ZBTB4: variants seen among roughly 807,000 people sequenced by gnomAD.
ZBTB4 encodes the protein zinc finger and BTB domain-containing protein 4.
In ZBTB4, 14 loss-of-function variants were observed where a neutral mutation model predicts 59.8. The ratio of observed to expected loss-of-function variants is 0.23; its 90% confidence interval spans 0.15 to 0.37. The LOEUF is 0.37. ZBTB4 is among the 10% of genes least tolerant of loss of function. The probability of loss-of-function intolerance (pLI) is 1.00; values close to 1 mark genes in which losing one functional copy is unlikely to be tolerated. For synonymous variants in ZBTB4, 587 were observed against 575.2 expected, an observed-to-expected ratio of 1.02 and a Z score of -0.29; for missense variants, 1,198 against 1,380.8, an observed-to-expected ratio of 0.87 and a Z score of 2.10.
At position 7,469,720 on chromosome 17, in the gene ZBTB4, G is replaced by A. The variant is rs553268705; in HGVS notation, c.-80-2393C>T. On this transcript the variant is annotated intron_variant, in intron 1 of 3. Transcript: ENST00000380599. ...GTAGAGGCTGCAGTGAGCCGAGATC[G>A]CGCTGGATGGAGATCAATCCAGGCT... Among the ~76,000 whole-genome samples the A allele has an allele frequency of 2.4e-4, 37 of 151,692 alleles. 1 individual carries two copies. The highest frequency in any genetic ancestry group is 6.8e-3 in the Middle Eastern group (2 of 292).
rs148130694 is a variant in ZBTB4 at position 7,473,273 on chromosome 17, C to T, written c.-80-5946G>A. ...GACTACAGGCACCCACCACCACTCC[C>T]GGCTAATTTTTTTTTGTATTTTTAG... is the stretch of plus-strand genomic sequence containing the variant. On this transcript the variant is annotated intron_variant, in intron 1 of 3. Coordinates refer to ENST00000380599, the MANE Select transcript of ZBTB4 (RefSeq NM_001128833.2). 4.7e-3 allele frequency among the ~76,000 whole-genome samples: 717 copies of T among 152,060 alleles called. 8 individuals are homozygous for T. Among genetic ancestry groups the T allele is most frequent in the African/African-American group, 0.017 (685 of 41,472 alleles).
intron 1 of ZBTB4, among the ~76,000 whole-genome samples, chr17:7,473,625 C>A (rs528932493): frequency 6.6e-6 from 1 of 151,624 alleles, no homozygotes; most frequent in African/African-American, 2.4e-5. Flanking sequence ...AGGCTCACTG[C>A]AGCCTTAACC....
At chr17:7,480,804 A>G (rs2070335469), upstream of ZBTB4, among the ~76,000 whole-genome samples, 1 of 152,170 alleles carries the variant, frequency 6.6e-6, no homozygotes, top group African/African-American at 2.4e-5. Context: ...AGAGCTAGCC[A>G]TAAAAAGAAT....
chr17:7,468,016 G>A (rs2070150492), intron 1 of ZBTB4, among the ~76,000 whole-genome samples: 2 of 152,226 alleles, frequency 1.3e-5, no homozygotes, highest in Non-Finnish European at 2.9e-5. Context: ...CTAGGGATCT[G>A]GACTTAAAAA....
chr17:7,469,547 G>C (rs1021848992), intron 1 of ZBTB4, among the ~76,000 whole-genome samples: 3 of 150,784 alleles, frequency 2.0e-5, no homozygotes, highest in African/African-American at 7.3e-5. Flanking sequence ...CGGATCATCT[G>C]AGGTCAGGAG....
At chr17:7,477,987 AC>A (rs1348420699) in intron 1 of ZBTB4, among the ~76,000 whole-genome samples, 1 of 151,736 alleles carries the variant, frequency 6.6e-6, no homozygotes, top group Non-Finnish European at 1.5e-5. Flanking sequence ...TCCATGCGCT[AC>A]CCTGCATTTA....
chr17:7,481,122 C>T (rs1277035288), upstream of ZBTB4, among the ~76,000 whole-genome samples: 2 of 146,856 alleles, frequency 1.4e-5, no homozygotes, highest in Non-Finnish European at 3.0e-5. Flanking sequence ...TTGCACGCAC[C>T]ACTGCACTCC....
rs55956412 is a variant in ZBTB4 at position 7,464,431 on chromosome 17, GAAA to G, written c.1092-544_1092-542del. Reference sequence around the variant, plus strand: ...ACAGAGTGAGACTCTGTCAAAAAAAGAAAAAAAAAAAAAAAAAAAAACCTCAGC... The same window carrying G: ...ACAGAGTGAGACTCTGTCAAAAAAAGAAAAAAAAAAAAAAAAAACCTCAGC... On this transcript the variant is annotated intron_variant, in intron 3 of 3. Coordinates refer to ENST00000380599, the MANE Select transcript of ZBTB4 (RefSeq NM_001128833.2). 1.2e-3 allele frequency among the ~76,000 whole-genome samples: 112 copies of G among 96,154 alleles called. No individual in the cohort carries two copies. In the Middle Eastern group the frequency reaches 0.024, roughly 21 times the overall value. 63.1% of individuals were successfully genotyped at this position (96,154 alleles called of 152,430 possible). A position where few individuals can be genotyped will look rare whatever the true frequency, so the allele number is the denominator to read the frequency against.
At chr17:7,481,856 A>T (rs759539547), upstream of ZBTB4, 3 of 1,319,712 alleles carry the variant, frequency 2.3e-6, no homozygotes, top group Non-Finnish European at 3.1e-6. Flanking sequence ...TCTAGCTCCG[A>T]AGAGTTCCTC....
intron 1 of ZBTB4, among the ~76,000 whole-genome samples, chr17:7,474,584 C>T (rs942999559): frequency 2.6e-5 from 4 of 151,890 alleles, no homozygotes; most frequent in Non-Finnish European, 4.4e-5. Flanking sequence ...GGGCCTAGCA[C>T]GTAATAGGTG....
upstream of ZBTB4, chr17:7,483,235 A>G (rs2070370736): frequency 2.6e-6 from 2 of 780,366 alleles, no homozygotes; most frequent in African/African-American, 1.8e-5. Context: ...GGGCATAACT[A>G]AGGGGTAAAG....
upstream of ZBTB4, chr17:7,483,240 G>A: frequency 5.2e-6 from 4 of 770,404 alleles, no homozygotes; most frequent in Non-Finnish European, 8.0e-6. Context: ...TAACTAAGGG[G>A]TAAAGTCTGA....
Position 7,461,900 on chromosome 17 carries a change from G to T in ZBTB4, c.*40C>A. 1 of 1,506,120 alleles carries T rather than the reference G, an allele frequency of 6.6e-7. No individual in the cohort carries two copies. The highest frequency in any genetic ancestry group is 8.9e-7 in the Non-Finnish European group (1 of 1,122,522). The allele number at this position is 1,506,120 out of a possible 1,614,324, so 93.3% of individuals were successfully genotyped here. A position where few individuals can be genotyped will look rare whatever the true frequency, so the allele number is the denominator to read the frequency against. On this transcript the variant is annotated 3_prime_UTR_variant, in exon 4 of 4. Coordinates refer to ENST00000380599, the MANE Select transcript of ZBTB4 (RefSeq NM_001128833.2). Reference sequence around the variant, plus strand: ...AGCTGGTAGTGGTGGGGGGTTCAGGGAGGGTGGCATCTGGTGAAAGGGGGA... The same window carrying T: ...AGCTGGTAGTGGTGGGGGGTTCAGGTAGGGTGGCATCTGGTGAAAGGGGGA...
chr17:7,481,528 G>A, upstream of ZBTB4: 1 of 1,553,372 alleles, frequency 6.4e-7, no homozygotes, highest in Non-Finnish European at 8.7e-7. Flanking sequence ...TGGTGAGTGT[G>A]GGGGCCAGGG....
chr17:7,468,933 T>A (rs1392302245), intron 1 of ZBTB4, among the ~76,000 whole-genome samples: 1 of 152,182 alleles, frequency 6.6e-6, no homozygotes, highest in Non-Finnish European at 1.5e-5. Flanking sequence ...CAGGGACTGA[T>A]GAGGTTCTGG....
Position 7,461,712 on chromosome 17 carries a change from G to T in ZBTB4, c.*228C>A, listed in dbSNP as rs1200091172. The T allele has an allele frequency of 2.3e-6, 1 of 434,932 alleles. No homozygotes were observed. Among genetic ancestry groups the T allele is most frequent in the Non-Finnish European group, 4.1e-6 (1 of 246,488 alleles). 26.9% of individuals were successfully genotyped at this position (434,932 alleles called of 1,614,324 possible). A position where few individuals can be genotyped will look rare whatever the true frequency, so the allele number is the denominator to read the frequency against. ...GAAGCTGGCCCTGCCCCTCATGGAG[G>T]CCATTCCCTGGAGGAAGACTGAGAG... is the stretch of plus-strand genomic sequence containing the variant. On this transcript the variant is annotated 3_prime_UTR_variant, in exon 4 of 4. Transcript: ENST00000380599.
upstream of ZBTB4, chr17:7,482,229 C>T (rs756447150): frequency 4.3e-6 from 7 of 1,613,900 alleles, no homozygotes; most frequent in Non-Finnish European, 4.2e-6. Context: ...TTCCACCTCC[C>T]TATTGCCCTG....
chr17:7,475,071 C>A (rs898511869), intron 1 of ZBTB4, among the ~76,000 whole-genome samples: 2 of 149,456 alleles, frequency 1.3e-5, no homozygotes, highest in African/African-American at 5.0e-5. Flanking sequence ...GTAATCCCAG[C>A]ACTTTGGGAG....
chr17:7,466,706 G>A lies in ZBTB4; in HGVS notation c.96C>T (p.Val32=). The change falls in exon 3 of 4, where the codon GTC becomes GTT. Residue 32 remains valine, a synonymous_variant. Transcript: ENST00000380599. The surrounding 1 kb of genome is among the most constrained non-coding windows in gnomAD (Gnocchi z 9.1). ...ACTTGGTGTCTCCGGCTATGAGGGT[G>A]ACGTCACAGAAGAGGCCACGGAGCC... The part of the protein sequence containing the change: ...EQRLRGLFCD[V]TLIAGDTKFP... The A allele has an allele frequency of 6.2e-7, 1 of 1,608,222 alleles. No individual in the cohort carries two copies.
Sources: allele counts gnomAD v4.1 joint callset (sites outside exome capture counted in the v4.1 genomes callset), GRCh38; gene constraint gnomAD v4.1.1; non-coding constraint Gnocchi (gnomAD v3.1); transcripts MANE v1.5; gene names NCBI Gene and HGNC (gene_info 2026-07-23, HGNC 2026-07-21).